CRB1: variants seen among roughly 807,000 people sequenced by gnomAD.
The protein encoded by CRB1 is protein crumbs homolog 1.
A neutral mutation model predicts 120.0 loss-of-function variants in CRB1; 83 were observed. The observed-to-expected ratio is 0.69, with a 90% CI of 0.58 to 0.83. The LOEUF is 0.83. Among genes scored for constraint, CRB1 ranks in the 40% least tolerant of loss-of-function variants. The probability of loss-of-function intolerance (pLI) is 0.00; values close to 1 mark genes in which losing one functional copy is unlikely to be tolerated. For synonymous variants in CRB1, 625 were observed against 612.5 expected, an observed-to-expected ratio of 1.02 and a Z score of -0.30; for missense variants, 1,699 against 1,687.6, an observed-to-expected ratio of 1.01 and a Z score of -0.12.
At chr1:197,417,242 T>TC (rs1664054176) in intron 5 of CRB1, among the ~76,000 whole-genome samples, 2 of 152,028 alleles carry the variant, frequency 1.3e-5, no homozygotes, top group South Asian at 4.2e-4. Context: ...TAGACTAGAT[T>TC]CTCCACCTGC....
chr1:197,310,556 A>G (rs933091012), intron 1 of CRB1, among the ~76,000 whole-genome samples: 1 of 152,138 alleles, frequency 6.6e-6, no homozygotes, highest in Non-Finnish European at 1.5e-5. Flanking sequence ...AATTTTTGAA[A>G]TGTATTTTTA....
chr1:197,456,430 C>T (rs1558154389), intron 11 of CRB1, among the ~76,000 whole-genome samples: 1 of 151,916 alleles, frequency 6.6e-6, no homozygotes, highest in Non-Finnish European at 1.5e-5. Context: ...CATCCTGCCC[C>T]ATAGTTACTG....
intron 10 of CRB1, 160 bp from the exon 11 acceptor site, chr1:197,442,006 T>G: frequency 1.2e-6 from 1 of 835,640 alleles, no homozygotes; most frequent in Non-Finnish European, 2.0e-6. Context: ...AAAGAAATTT[T>G]AAGAAACATC....
intron 5 of CRB1, among the ~76,000 whole-genome samples, chr1:197,358,401 A>G (rs1258656863): frequency 6.6e-6 from 1 of 152,216 alleles, no homozygotes; most frequent in South Asian, 2.1e-4. Context: ...CTCATCAAAT[A>G]AAAGGAAATG....
At position 197,431,065 on chromosome 1, in the gene CRB1, C is replaced by CA. The variant is rs201907193; in HGVS notation, c.2842+1460dup. 9.4e-4 allele frequency among the ~76,000 whole-genome samples: 137 copies of CA among 146,072 alleles called. 1 individual carries two copies. In the East Asian group the frequency reaches 0.019, roughly 20 times the overall value. On this transcript the variant is annotated intron_variant, in intron 8 of 11. Transcript: ENST00000367400. ...TGTGCAACAAAACAAGACCCTGTCTCAAAAAAAAATAAAAATAAAAATAAA... is the reference window on the plus strand; with the variant it reads ...TGTGCAACAAAACAAGACCCTGTCTCAAAAAAAAAATAAAAATAAAAATAAA...
At chr1:197,442,090 C>A in intron 10 of CRB1, 76 bp from the exon 11 acceptor site, 1 of 1,592,404 alleles carries the variant, frequency 6.3e-7, no homozygotes. Flanking sequence ...AGAGATAAGG[C>A]AAACTTTTTC....
chr1:197,222,714 C>A, the CRB1 span: 3 of 828,402 alleles, frequency 3.6e-6, no homozygotes, highest in Admixed American at 3.4e-5. Flanking sequence ...CAGTTCATTT[C>A]CCCTGAATTC....
intron 11 of CRB1, among the ~76,000 whole-genome samples, chr1:197,474,825 T>A (rs1294672521): frequency 6.6e-6 from 1 of 152,150 alleles, no homozygotes; most frequent in Non-Finnish European, 1.5e-5. Context: ...GAAATCAACA[T>A]CTAAGAACAA....
Position 197,356,857 on chromosome 1 carries a change from G to A in CRB1, c.1015G>A (p.Asp339Asn), listed in dbSNP as rs1199892094. ...ATACACAGGTGCCCAGTGTGAGATC[G>A]ACCTCAATGAATGCAATAGTAACCC... ...PGYTGAQCEI[D>N]LNECNSNPCQ... Residue 339 changes from aspartate (D) to asparagine (N), a missense_variant, in exon 5 of 12, where the codon GAC becomes AAC. Physicochemically the swap from Asp to Asn is conservative, Grantham distance 23. Transcript: ENST00000367400. 6.8e-6 allele frequency: 11 copies of A among 1,614,038 alleles called. No individual in the cohort carries two copies. The highest frequency in any genetic ancestry group is 6.7e-5 in the African/African-American group (5 of 74,916).
intron 5 of CRB1, among the ~76,000 whole-genome samples, chr1:197,369,122 C>A (rs1260382403): frequency 6.6e-6 from 1 of 152,156 alleles, no homozygotes; most frequent in African/African-American, 2.4e-5. Context: ...GTGTTTACTA[C>A]TCATGAGGAT....
chr1:197,276,939 A>C (rs1448969734), intron 1 of CRB1, among the ~76,000 whole-genome samples: 21 of 151,980 alleles, frequency 1.4e-4, no homozygotes, highest in Admixed American at 1.4e-3. Flanking sequence ...GTCAGATTCT[A>C]AACCTCCCAC....
At chr1:197,328,348 A>G in intron 1 of CRB1, 74 bp from the exon 2 acceptor site, 1 of 1,256,304 alleles carries the variant, frequency 8.0e-7, no homozygotes, top group Non-Finnish European at 1.1e-6. Context: ...AGGCAGCACA[A>G]AGGTCACAAA....
At chr1:197,436,630 A>G (rs1359322212) in intron 9 of CRB1, among the ~76,000 whole-genome samples, 1 of 152,212 alleles carries the variant, frequency 6.6e-6, no homozygotes, top group Non-Finnish European at 1.5e-5. Context: ...TGAGTGAATG[A>G]ATTTATTAAT....
At chr1:197,205,628 T>C in the CRB1 span, among the ~76,000 whole-genome samples, 1 of 152,202 alleles carries the variant, frequency 6.6e-6, no homozygotes, top group Non-Finnish European at 1.5e-5. Context: ...ATCTTTTCCA[T>C]ATGCTGTTGG....
chr1:197,240,726 A>G, the CRB1 span, among the ~76,000 whole-genome samples: 2 of 152,224 alleles, frequency 1.3e-5, no homozygotes, highest in African/African-American at 4.8e-5. Context: ...TTGAGTATAT[A>G]CGCAGTAATG....
chr1:197,428,048 T>A, intron 7 of CRB1, 47 bp downstream of exon 7: 1 of 1,541,022 alleles, frequency 6.5e-7, no homozygotes, highest in East Asian at 2.3e-5. Flanking sequence ...TGCTAAACTT[T>A]TACTTTATTA....
chr1:197,413,265 G>A (rs1409614701), intron 5 of CRB1, among the ~76,000 whole-genome samples: 3 of 152,068 alleles, frequency 2.0e-5, no homozygotes, highest in Non-Finnish European at 4.4e-5. Context: ...TTATTCTCTT[G>A]TACAAAATTA....
At chr1:197,459,695 A>G (rs950345890) in intron 11 of CRB1, among the ~76,000 whole-genome samples, 1 of 152,180 alleles carries the variant, frequency 6.6e-6, no homozygotes, top group African/African-American at 2.4e-5. Flanking sequence ...GCAGGATCTT[A>G]CACCAAAATG....
At chr1:197,415,428 G>A (rs1663929304) in intron 5 of CRB1, among the ~76,000 whole-genome samples, 1 of 151,886 alleles carries the variant, frequency 6.6e-6, no homozygotes, top group South Asian at 2.1e-4. Flanking sequence ...TAAAAACCTC[G>A]TAAGTTCCCA....
Sources: allele counts gnomAD v4.1 joint callset (sites outside exome capture counted in the v4.1 genomes callset), GRCh38; gene constraint gnomAD v4.1.1; transcripts MANE v1.5; gene names NCBI Gene and HGNC (gene_info 2026-07-23, HGNC 2026-07-21).